ARNT2: variants seen among roughly 807,000 people sequenced by gnomAD.
ARNT2 encodes aryl hydrocarbon receptor nuclear translocator 2, also known as ARNT protein 2.
In ARNT2, 36 loss-of-function variants were observed where a neutral mutation model predicts 91.7. That is an observed-to-expected ratio of 0.39 (90% confidence interval 0.30 to 0.52). The LOEUF (loss-of-function observed/expected upper bound fraction) is 0.52. Among genes scored for constraint, ARNT2 ranks in the 20% least tolerant of loss-of-function variants. The probability of loss-of-function intolerance (pLI) is 0.72; values close to 1 mark genes in which losing one functional copy is unlikely to be tolerated. For synonymous variants in ARNT2, 365 were observed against 347.1 expected (o/e 1.05, Z -0.57); for missense variants, 775 against 939.3 (o/e 0.83, Z 2.29).
chr15:80,570,846 C>G (rs1433743161), intron 12 of ARNT2, among the ~76,000 whole-genome samples: 1 of 152,058 alleles, frequency 6.6e-6, no homozygotes, highest in Non-Finnish European at 1.5e-5. Context: ...CGGTGCCTGG[C>G]AAAAGAGTTC....
intron 1 of ARNT2, among the ~76,000 whole-genome samples, chr15:80,419,885 C>A (rs997927871): frequency 6.6e-6 from 1 of 152,130 alleles, no homozygotes; most frequent in African/African-American, 2.4e-5. Context: ...TGCTTTGGAA[C>A]GCAGTGTAAG....
intron 8 of ARNT2, among the ~76,000 whole-genome samples, chr15:80,531,241 A>G (rs1177298639): frequency 6.6e-6 from 1 of 152,228 alleles, no homozygotes. Flanking sequence ...GAGTGTTTGC[A>G]CAGGGTTAAT....
At chr15:80,424,320 G>A (rs1165100275) in intron 1 of ARNT2, among the ~76,000 whole-genome samples, 2 of 152,208 alleles carry the variant, frequency 1.3e-5, no homozygotes, top group Non-Finnish European at 1.5e-5. Context: ...TCTATGCCTC[G>A]TTGGCAAGGT....
intron 1 of ARNT2, among the ~76,000 whole-genome samples, chr15:80,416,574 A>C (rs954455513): frequency 6.6e-6 from 1 of 152,216 alleles, no homozygotes; most frequent in South Asian, 2.1e-4. Flanking sequence ...AGTTACATTA[A>C]GTTCTGATGT....
chr15:80,564,723 A>G lies in ARNT2; in HGVS notation c.1316+1484A>G, dbSNP rs1233848757. 8.3e-5 allele frequency among the ~76,000 whole-genome samples: 9 copies of G among 108,234 alleles called. No homozygotes were observed. The East Asian group carries it at 2.3e-3, about 28-fold the overall frequency. The allele number at this position is 108,234 out of a possible 152,430, so 71.0% of individuals were successfully genotyped here. ...AGTCCTCCCAGTGTCTATTGTTCCC[A>G]TCTTTATGTCTGTGAGTACCCAATG... On this transcript the variant is annotated intron_variant, in intron 12 of 18. Transcript: ENST00000303329.
intron 11 of ARNT2, 102 bp downstream of exon 11, chr15:80,555,241 G>A: frequency 1.6e-6 from 2 of 1,281,256 alleles, no homozygotes; most frequent in Admixed American, 1.8e-5. Context: ...CAGGCTGCAA[G>A]GTCCTACCTA....
intron 15 of ARNT2, among the ~76,000 whole-genome samples, chr15:80,578,411 C>T (rs980599772): frequency 5.3e-5 from 8 of 151,878 alleles, no homozygotes; most frequent in Non-Finnish European, 1.0e-4. Context: ...AGGATGACCA[C>T]GTTGTTCTAT....
chr15:80,508,116 A>G, intron 5 of ARNT2, 40 bp from the exon 6 acceptor site: 1 of 1,604,696 alleles, frequency 6.2e-7, no homozygotes, highest in Non-Finnish European at 8.5e-7. Flanking sequence ...CTCCCAACCG[A>G]AGGCAGAGGC....
chr15:80,457,243 C>G (rs1896493728), intron 2 of ARNT2, among the ~76,000 whole-genome samples: 1 of 152,208 alleles, frequency 6.6e-6, no homozygotes, highest in South Asian at 2.1e-4. Context: ...AAGGGTGAAT[C>G]TGAATAACTA....
chr15:80,503,156 T>C (rs539789486), intron 5 of ARNT2, among the ~76,000 whole-genome samples: 1 of 152,322 alleles, frequency 6.6e-6, no homozygotes, highest in East Asian at 1.9e-4. Flanking sequence ...GTAACATCTC[T>C]GTTTGCCTCT....
At chr15:80,449,351 A>G (rs938683084) in intron 1 of ARNT2, among the ~76,000 whole-genome samples, 1 of 152,228 alleles carries the variant, frequency 6.6e-6, no homozygotes, top group African/African-American at 2.4e-5. Flanking sequence ...GTTTGGGGAC[A>G]TAATGGACTC....
chr15:80,475,359 C>T lies in ARNT2; in HGVS notation c.622+136C>T, dbSNP rs143271688. On this transcript the variant is annotated intron_variant, in intron 5 of 18. Transcript: ENST00000303329. The stretch of plus-strand genomic sequence containing the variant: ...CACGAGGTCAGGAGATCAAGACCAT[C>T]CTGGCTAACATGGTGAAACCCCGTC... The T allele has an allele frequency of 9.0e-4, 789 of 878,582 alleles. 2 individuals carry two copies. In the African/African-American group the frequency reaches 0.012, roughly 13 times the overall value. 54.4% of individuals were successfully genotyped at this position (878,582 alleles called of 1,614,324 possible).
intron 8 of ARNT2, among the ~76,000 whole-genome samples, chr15:80,537,074 G>A (rs769927417): frequency 1.3e-5 from 2 of 152,136 alleles, no homozygotes; most frequent in South Asian, 2.1e-4. Context: ...TCAGCCCAGA[G>A]CACTCTTTTC....
intron 5 of ARNT2, among the ~76,000 whole-genome samples, chr15:80,482,248 A>C (rs1363351983): frequency 6.6e-6 from 1 of 152,170 alleles, no homozygotes; most frequent in Non-Finnish European, 1.5e-5. Flanking sequence ...ATTTCAGTGG[A>C]TATCAACCCT....
rs200474123 is a variant in ARNT2 at position 80,518,220 on chromosome 15, T to TC, written c.877+3816dup. ...CAGAGGCTATAAATTCCTTTCATGT[T>TC]CTTGTTTTTCTCTCCTACTACCTTT... On this transcript the variant is annotated intron_variant, in intron 8 of 18. Coordinates refer to ENST00000303329, the MANE Select transcript of ARNT2 (RefSeq NM_014862.4). Among the ~76,000 whole-genome samples the TC allele has an allele frequency of 2.6e-5, 4 of 152,024 alleles. No homozygotes were observed. The East Asian group carries it at 7.7e-4, about 29-fold the overall frequency.
At chr15:80,539,364 A>G (rs2141448157) in intron 8 of ARNT2, among the ~76,000 whole-genome samples, 1 of 152,314 alleles carries the variant, frequency 6.6e-6, no homozygotes, top group African/African-American at 2.4e-5. Flanking sequence ...ATTCAAGGAA[A>G]AAAACTATTG....
chr15:80,433,258 TTTTA>T (rs1347674186), intron 1 of ARNT2, among the ~76,000 whole-genome samples: 4 of 66,294 alleles, frequency 6.0e-5, no homozygotes, highest in African/African-American at 1.3e-4. Context: ...TTTTATTTTA[TTTTA>T]TTTTATTTTA....
intron 1 of ARNT2, among the ~76,000 whole-genome samples, chr15:80,409,970 A>G (rs1895657791): frequency 6.6e-6 from 1 of 152,096 alleles, no homozygotes; most frequent in South Asian, 2.1e-4. Context: ...CTCACGGGGG[A>G]CCACTTTTGG....
intron 12 of ARNT2, among the ~76,000 whole-genome samples, chr15:80,573,434 T>G (rs1355051709): frequency 6.6e-6 from 1 of 152,224 alleles, no homozygotes. Flanking sequence ...ATAGTACCAC[T>G]AATAATTTTT....
Sources: allele counts gnomAD v4.1 joint callset (sites outside exome capture counted in the v4.1 genomes callset), GRCh38; gene constraint gnomAD v4.1.1; transcripts MANE v1.5; gene names NCBI Gene and HGNC (gene_info 2026-07-23, HGNC 2026-07-21).